Variants in RPGRIP1L observed in about 807,000 individuals in gnomAD.
RPGRIP1L encodes protein fantom.
In RPGRIP1L, 131 loss-of-function variants were observed where a neutral mutation model predicts 160.4. That is an observed-to-expected ratio of 0.82 (90% CI 0.71 to 0.94). The LOEUF (loss-of-function observed/expected upper bound fraction) is 0.94. Ranked by LOEUF, RPGRIP1L falls within the 40% of genes least tolerant of loss-of-function variation. RPGRIP1L has a pLI of 0.00. For missense variants in RPGRIP1L, 1,522 were observed against 1,535.8 expected, an observed-to-expected ratio of 0.99 and a Z score of 0.15; for synonymous variants, 510 against 515.8, an observed-to-expected ratio of 0.99 and a Z score of 0.15.
At chr16:53,659,053 C>T (rs1374273811) in intron 10 of RPGRIP1L, 175 bp from the exon 11 acceptor site, 5 of 648,376 alleles carry the variant, frequency 7.7e-6, no homozygotes, top group Non-Finnish European at 1.3e-5. Context: ...AATAAATGAA[C>T]ACTATCATGT....
intron 17 of RPGRIP1L, among the ~76,000 whole-genome samples, chr16:53,642,186 AT>A (rs201242475): frequency 0.052 from 7,699 of 148,278 alleles, 391 homozygotes; most frequent in East Asian, 0.3. Flanking sequence ...ATATCTTTTT[AT>A]TTTTTTTTTT....
chr16:53,685,985 G>C (rs1489554517), intron 6 of RPGRIP1L, among the ~76,000 whole-genome samples: 1 of 152,130 alleles, frequency 6.6e-6, no homozygotes, highest in Non-Finnish European at 1.5e-5. Context: ...TCCAAACTTG[G>C]AATATTAGGG....
intron 22 of RPGRIP1L, among the ~76,000 whole-genome samples, chr16:53,623,024 C>CA (rs1268669670): frequency 1.3e-5 from 2 of 151,794 alleles, no homozygotes; most frequent in Non-Finnish European, 2.9e-5. Context: ...AAGAAACAAA[C>CA]AAAAAAACCA....
intron 1 of RPGRIP1L, among the ~76,000 whole-genome samples, chr16:53,702,245 C>T (rs1486955933): frequency 2.0e-5 from 3 of 152,182 alleles, no homozygotes; most frequent in African/African-American, 4.8e-5. Context: ...GATTAGTTAA[C>T]TCACTTAAGG....
intron 22 of RPGRIP1L, among the ~76,000 whole-genome samples, chr16:53,631,882 TG>T (rs1229896762): frequency 1.3e-5 from 2 of 152,172 alleles, no homozygotes; most frequent in African/African-American, 4.8e-5. Context: ...AGGGGCAAAT[TG>T]GGTGGCACAT....
intron 22 of RPGRIP1L, among the ~76,000 whole-genome samples, chr16:53,625,397 C>G (rs921729959): frequency 1.5e-4 from 22 of 149,074 alleles, no homozygotes; most frequent in Non-Finnish European, 3.1e-4. Context: ...CTGGGGGGGG[C>G]GCCTCAGCCT....
At chr16:53,688,691 AAAC>A (rs1417995825) in intron 4 of RPGRIP1L, among the ~76,000 whole-genome samples, 15 of 152,100 alleles carry the variant, frequency 9.9e-5, no homozygotes, top group Admixed American at 9.8e-4. Flanking sequence ...ATGGAGAACA[AAAC>A]AACAAATTTA....
chr16:53,643,967 AG>A (rs1371134752), intron 17 of RPGRIP1L, among the ~76,000 whole-genome samples: 1 of 152,240 alleles, frequency 6.6e-6, no homozygotes, highest in African/African-American at 2.4e-5. Flanking sequence ...AAGAACTAAA[AG>A]AAAGTGTGTT....
At chr16:53,620,566 A>T (rs1039202029) in intron 23 of RPGRIP1L, among the ~76,000 whole-genome samples, 16 of 152,116 alleles carry the variant, frequency 1.1e-4, no homozygotes, top group Admixed American at 5.9e-4. Flanking sequence ...TTAAAGGAAA[A>T]TTTTTTCTAA....
intron 4 of RPGRIP1L, among the ~76,000 whole-genome samples, chr16:53,688,556 C>T (rs1162595126): frequency 6.6e-6 from 1 of 151,908 alleles, no homozygotes; most frequent in Admixed American, 6.6e-5. Context: ...TAGAATTTTA[C>T]AAAGACAGTC....
At chr16:53,659,269 T>C (rs1967558088) in intron 10 of RPGRIP1L, 2 of 744,084 alleles carry the variant, frequency 2.7e-6, no homozygotes, top group African/African-American at 1.9e-5. Flanking sequence ...AGTTTTTTAA[T>C]TGACATCTTT....
chr16:53,610,886 G>T, intron 25 of RPGRIP1L, 81 bp downstream of exon 25: 1 of 1,137,494 alleles, frequency 8.8e-7, no homozygotes, highest in Non-Finnish European at 1.3e-6. Flanking sequence ...TCCTCATCTT[G>T]TGCCTTTTAT....
intron 10 of RPGRIP1L, chr16:53,659,218 T>C (rs1967551472): frequency 1.0e-6 from 1 of 972,142 alleles, no homozygotes; most frequent in East Asian, 9.7e-5. Flanking sequence ...TACTTACTTA[T>C]TAAGGCTCCT....
Position 53,600,240 on chromosome 16 carries a change from T to TGTATATA in RPGRIP1L, c.*1835_*1836insTATATAC, listed in dbSNP as rs1436990357. 2.0e-5 allele frequency: 3 copies of TGTATATA among 152,618 alleles called. No homozygotes were observed. The East Asian group carries it at 5.8e-4, about 29-fold the overall frequency. The allele number at this position is 152,618 out of a possible 1,614,324, so 9.5% of individuals were successfully genotyped here. A position where few individuals can be genotyped will look rare whatever the true frequency, so the allele number is the denominator to read the frequency against. ...ATTACTGCAGGGAATATTATGGGCC[T>TGTATATA]TAATGACACTGTAACTGCATAAAGC... is the stretch of plus-strand genomic sequence containing the variant. On this transcript the variant is annotated 3_prime_UTR_variant, in exon 27 of 27. Coordinates refer to ENST00000647211, the MANE Select transcript of RPGRIP1L (RefSeq NM_015272.5).
chr16:53,666,751 T>C (rs923961576), intron 9 of RPGRIP1L, among the ~76,000 whole-genome samples: 3 of 152,128 alleles, frequency 2.0e-5, no homozygotes, highest in East Asian at 1.9e-4. Context: ...ATAGCATTAG[T>C]ACCAGCAAAA....
At position 53,666,566 on chromosome 16, in the gene RPGRIP1L, ATGTGTGTGTGTGTG is replaced by A. The variant is rs112955038; in HGVS notation, c.1104-1571_1104-1558del. Among the ~76,000 whole-genome samples, 6 of 136,718 alleles carry A rather than the reference ATGTGTGTGTGTGTG, an allele frequency of 4.4e-5. No homozygotes were observed. The South Asian group carries it at 1.5e-3, about 33-fold the overall frequency. 89.7% of individuals were successfully genotyped at this position (136,718 alleles called of 152,430 possible). A position where few individuals can be genotyped will look rare whatever the true frequency, so the allele number is the denominator to read the frequency against. ...TATATGCATGAATGTGAGTACATCT[ATGTGTGTGTGTGTG>A]TGTGTGTGTGTGTATATATATATAT... is the stretch of plus-strand genomic sequence containing the variant. On this transcript the variant is annotated intron_variant, in intron 9 of 26. Transcript: ENST00000647211.
chr16:53,664,870 C>G lies in RPGRIP1L; in HGVS notation c.1243G>C (p.Asp415His). ...AAGGCAGTGGTTATTTCAAATGTAC[C>G]TCTTTCAGTTTTTAATCTGTCAAGG... ...EILDRLKTER[D>H]QNEKLVQENR... Residue 415 changes from aspartate (D) to histidine (H), a missense_variant and splice_region_variant, in exon 10 of 27, where the codon GAT (aspartate) becomes CAT (histidine). Asp to His is a moderately conservative substitution (Grantham distance 81). Transcript: ENST00000647211. 2 of 1,609,744 alleles carry G rather than the reference C, an allele frequency of 1.2e-6. No homozygotes were observed. Among genetic ancestry groups the G allele is most frequent in the Non-Finnish European group, 8.5e-7 (1 of 1,179,784 alleles).
Position 53,665,092 on chromosome 16 carries a change from C to A in RPGRIP1L, c.1104-83G>T, listed in dbSNP as rs1254987217. On this transcript the variant is annotated intron_variant, in intron 9 of 26. Transcript: ENST00000647211. ...ATAAAGAGAAAAGCTTTTAGTGGCGCAGAGACCACTGTCATCATGTCTTAG... is the reference window on the plus strand; with the variant it reads ...ATAAAGAGAAAAGCTTTTAGTGGCGAAGAGACCACTGTCATCATGTCTTAG... 8.8e-6 allele frequency: 13 copies of A among 1,469,272 alleles called. No individual in the cohort carries two copies. The East Asian group carries it at 3.0e-4, about 34-fold the overall frequency. The allele number at this position is 1,469,272 out of a possible 1,614,324, so 91.0% of individuals were successfully genotyped here.
intron 22 of RPGRIP1L, among the ~76,000 whole-genome samples, chr16:53,627,038 T>A (rs1201167508): frequency 6.6e-6 from 1 of 152,182 alleles, no homozygotes; most frequent in East Asian, 1.9e-4. Context: ...ATACTTTGGA[T>A]CATATTTTTC....
Sources: gnomAD v4.1 joint callset for allele counts (sites outside exome capture counted in the v4.1 genomes callset) on GRCh38, gnomAD v4.1.1 for gene constraint, MANE v1.5 for transcripts, NCBI Gene and HGNC (gene_info 2026-07-23, HGNC 2026-07-21) for gene names.